The following TTLL5 variants were observed in gnomAD, a reference collection of about 807,000 sequenced individuals.
TTLL5 encodes the protein tubulin tyrosine ligase like 5.
In TTLL5, 132 loss-of-function variants were observed where a neutral mutation model predicts 168.4. The ratio of observed to expected loss-of-function variants is 0.78; its 90% CI spans 0.68 to 0.91. The LOEUF is 0.91. Among genes scored for constraint, TTLL5 ranks in the 40% least tolerant of loss-of-function variants. The probability of loss-of-function intolerance (pLI) is 0.00; values close to 1 mark genes in which losing one functional copy is unlikely to be tolerated. For missense variants in TTLL5, 1,545 were observed against 1,581.5 expected (o/e 0.98, Z 0.39); for synonymous variants, 546 against 558.6 (o/e 0.98, Z 0.32).
chr14:75,669,595 T>G, intron 3 of TTLL5, 73 bp downstream of exon 3: 4 of 1,323,976 alleles, frequency 3.0e-6, no homozygotes, highest in Non-Finnish European at 4.2e-6. Flanking sequence ...GAAGTTGATA[T>G]GACATATATA....
chr14:75,857,623 C>T (rs1595159119), intron 28 of TTLL5, among the ~76,000 whole-genome samples: 2 of 145,534 alleles, frequency 1.4e-5, no homozygotes, highest in South Asian at 2.2e-4. Flanking sequence ...GGAATTATTT[C>T]TTCTTGTTTG....
chr14:75,868,092 A>T (rs570243937), intron 29 of TTLL5, among the ~76,000 whole-genome samples: 1 of 152,256 alleles, frequency 6.6e-6, no homozygotes, highest in East Asian at 1.9e-4. Context: ...AGCTGATGTT[A>T]TTCTTGGCGC....
Position 75,954,465 on chromosome 14 carries a change from A to G in TTLL5, c.*19A>G. Reference sequence around the variant, plus strand: ...AATATGAACCACAAACACACAGAGAAACAACCTGTTCACCACTCCTGGGTG... The same window carrying G: ...AATATGAACCACAAACACACAGAGAGACAACCTGTTCACCACTCCTGGGTG... On this transcript the variant is annotated 3_prime_UTR_variant, in exon 32 of 32. Coordinates refer to ENST00000298832, the MANE Select transcript of TTLL5 (RefSeq NM_015072.5). 6.2e-7 allele frequency: 1 copy of G among 1,613,732 alleles called. No individual in the cohort carries two copies. The highest frequency in any genetic ancestry group is 8.5e-7 in the Non-Finnish European group (1 of 1,179,726).
intron 12 of TTLL5, among the ~76,000 whole-genome samples, chr14:75,731,793 A>G (rs890077093): frequency 6.6e-6 from 1 of 152,202 alleles, no homozygotes; most frequent in Non-Finnish European, 1.5e-5. Context: ...GAGGGGAAAG[A>G]ATAAATACAT....
intron 29 of TTLL5, among the ~76,000 whole-genome samples, chr14:75,880,088 G>C (rs961282951): frequency 4.6e-5 from 7 of 152,070 alleles, no homozygotes; most frequent in Non-Finnish European, 1.0e-4. Flanking sequence ...TCTCCCTGAA[G>C]GCTACCAGTT....
chr14:75,854,604 G>A (rs774600615), intron 28 of TTLL5, among the ~76,000 whole-genome samples: 6 of 152,094 alleles, frequency 3.9e-5, no homozygotes, highest in Non-Finnish European at 5.9e-5. Flanking sequence ...TTTCTGAAAC[G>A]ATTGCATCAT....
At chr14:75,900,551 A>G (rs1473463573) in intron 30 of TTLL5, among the ~76,000 whole-genome samples, 1 of 152,116 alleles carries the variant, frequency 6.6e-6, no homozygotes, top group African/African-American at 2.4e-5. Flanking sequence ...AAGCTGTGTG[A>G]TTAACAAGTG....
intron 12 of TTLL5, among the ~76,000 whole-genome samples, chr14:75,731,975 G>C (rs1888575484): frequency 6.7e-6 from 1 of 149,812 alleles, no homozygotes; most frequent in South Asian, 2.1e-4. Flanking sequence ...TGTTGGTTGT[G>C]CTTGTTTCAT....
rs567011528 is a variant in TTLL5 at position 75,826,625 on chromosome 14, A to G, written c.3326+6464A>G. ...TGGTTTTAAGAGGCCTGGTTATGAC[A>G]AAGTTCCTTACACTAAGCTAAATGA... On this transcript the variant is annotated intron_variant, in intron 28 of 31. Coordinates refer to ENST00000298832, the MANE Select transcript of TTLL5 (RefSeq NM_015072.5). 3.8e-3 allele frequency among the ~76,000 whole-genome samples: 585 copies of G among 152,312 alleles called. 1 individual carries two copies. The highest frequency in any genetic ancestry group is 7.0e-3 in the Non-Finnish European group (473 of 68,014).
chr14:75,863,806 G>T lies in TTLL5; in HGVS notation c.3466G>T (p.Glu1156Ter). 6.4e-7 allele frequency: 1 copy of T among 1,550,726 alleles called. No individual in the cohort carries two copies. The highest frequency in any genetic ancestry group is 1.1e-5 in the South Asian group (1 of 90,098). Residue 1156 changes from glutamate to a stop codon, truncating the protein, a stop_gained, in exon 29 of 32, where the codon GAA becomes TAA. Transcript: ENST00000298832. LOFTEE classifies it high-confidence loss of function. ...YQLQFALQQL[E>*]QQKLQSRQLL... ...GCTTCAATTTGCCCTGCAGCAACTTGAACAACAAAAACTTCAGTCCCGGCA... is the reference window on the plus strand; with the variant it reads ...GCTTCAATTTGCCCTGCAGCAACTTTAACAACAAAAACTTCAGTCCCGGCA...
chr14:75,680,615 ATTT>A (rs35254410), intron 3 of TTLL5, among the ~76,000 whole-genome samples: 5 of 101,990 alleles, frequency 4.9e-5, no homozygotes, highest in South Asian at 3.0e-4. Flanking sequence ...TAGAGCAGGG[ATTT>A]TTTTTTTTTT....
intron 6 of TTLL5, 83 bp from the exon 7 acceptor site, chr14:75,699,105 C>T (rs892228685): frequency 1.3e-4 from 162 of 1,288,610 alleles, no homozygotes; most frequent in Middle Eastern, 1.8e-4. Context: ...GTAGATAACC[C>T]TTTTTGAAAG....
Position 75,954,444 on chromosome 14 carries a change from T to C in TTLL5, c.3844T>C (p.Ter1282ArgextTer30), listed in dbSNP as rs200245431. Residue 1282 changes from the stop codon to arginine, a stop_lost, in exon 32 of 32, where the codon TGA (stop) becomes CGA (arginine). Transcript: ENST00000298832. Reference sequence around the variant, plus strand: ...TTCAGATCCTGCTCACACTAAAATATGAACCACAAACACACAGAGAAACAA... The same window carrying C: ...TTCAGATCCTGCTCACACTAAAATACGAACCACAAACACACAGAGAAACAA... ...SSTDPAHTKI[*>R] The C allele has an allele frequency of 1.1e-5, 17 of 1,614,060 alleles. No homozygotes were observed. The highest frequency in any genetic ancestry group is 3.3e-4 in the Middle Eastern group (2 of 6,062).
chr14:75,665,923 A>G (rs941615469), intron 2 of TTLL5, among the ~76,000 whole-genome samples: 7 of 152,238 alleles, frequency 4.6e-5, no homozygotes, highest in African/African-American at 1.7e-4. Flanking sequence ...TAATATTACT[A>G]TGGTTCGTTG....
At chr14:75,795,425 GA>G (rs1217749338) in intron 27 of TTLL5, among the ~76,000 whole-genome samples, 2 of 152,006 alleles carry the variant, frequency 1.3e-5, no homozygotes, top group African/African-American at 2.4e-5. Flanking sequence ...GGGTACATAC[GA>G]TTTTTTTTAT....
intron 28 of TTLL5, among the ~76,000 whole-genome samples, chr14:75,851,504 C>G (rs1896852564): frequency 6.6e-6 from 1 of 152,166 alleles, no homozygotes; most frequent in South Asian, 2.1e-4. Flanking sequence ...GTGCTCACAT[C>G]CAGTGCCTGA....
chr14:75,708,252 A>G (rs1473310063), intron 9 of TTLL5, among the ~76,000 whole-genome samples: 1 of 150,926 alleles, frequency 6.6e-6, no homozygotes, highest in African/African-American at 2.4e-5. Context: ...AGACAATTTC[A>G]TGCCCTCTCA....
At chr14:75,924,018 T>C (rs982168134) in intron 31 of TTLL5, among the ~76,000 whole-genome samples, 5 of 150,358 alleles carry the variant, frequency 3.3e-5, no homozygotes, top group Non-Finnish European at 7.4e-5. Flanking sequence ...GTCTATGTAT[T>C]TTAAAGACTA....
chr14:75,856,771 C>T (rs548862163), intron 28 of TTLL5, among the ~76,000 whole-genome samples: 2 of 152,016 alleles, frequency 1.3e-5, no homozygotes, highest in South Asian at 4.1e-4. Flanking sequence ...GGACTACAGG[C>T]ACCCGCCACC....
Sources: gnomAD v4.1 joint callset for allele counts (sites outside exome capture counted in the v4.1 genomes callset) on GRCh38, gnomAD v4.1.1 for gene constraint, MANE v1.5 for transcripts, NCBI Gene and HGNC (gene_info 2026-07-23, HGNC 2026-07-21) for gene names.